Variants in NCAM2 observed in about 807,000 individuals in gnomAD.
NCAM2 encodes neural cell adhesion molecule 2.
NCAM2 carries 30 observed loss-of-function variants against 98.1 expected under a neutral mutation model. The ratio of observed to expected loss-of-function variants is 0.31; its 90% CI spans 0.23 to 0.41. NCAM2 has a LOEUF of 0.41. Ranked by LOEUF, NCAM2 falls within the 10% of genes least tolerant of loss-of-function variation. The pLI, the probability that NCAM2 is intolerant of heterozygous loss-of-function variation, is 1.00. For missense variants in NCAM2, 867 were observed against 1,005.8 expected, an observed-to-expected ratio of 0.86 and a Z score of 1.87; for synonymous variants, 368 against 342.4, an observed-to-expected ratio of 1.07 and a Z score of -0.83.
chr21:21,425,208 C>T (rs1057480774), intron 11 of NCAM2, among the ~76,000 whole-genome samples: 4 of 151,558 alleles, frequency 2.6e-5, no homozygotes, highest in Admixed American at 6.6e-5. Flanking sequence ...ATAAAATGTA[C>T]GTATGTAACT....
chr21:21,285,856 G>A (rs1276968282), intron 3 of NCAM2, among the ~76,000 whole-genome samples: 2 of 151,938 alleles, frequency 1.3e-5, no homozygotes, highest in Non-Finnish European at 2.9e-5. Context: ...CCTTGAAATG[G>A]AAAGGAATAT....
At chr21:21,167,418 A>T (rs2067987053) in intron 1 of NCAM2, among the ~76,000 whole-genome samples, 1 of 152,196 alleles carries the variant, frequency 6.6e-6, no homozygotes, top group African/African-American at 2.4e-5. Context: ...AAAATTTTAT[A>T]AGCTTGAACT....
intron 15 of NCAM2, among the ~76,000 whole-genome samples, chr21:21,483,377 T>C (rs1288449759): frequency 6.6e-6 from 1 of 152,026 alleles, no homozygotes; most frequent in Admixed American, 6.5e-5. Context: ...AAAAAAATAA[T>C]ATAAATCACC....
chr21:21,413,735 T>G (rs2076932829), intron 10 of NCAM2, among the ~76,000 whole-genome samples: 1 of 152,188 alleles, frequency 6.6e-6, no homozygotes. Context: ...AGTTGTAACT[T>G]TTTTCATTGG....
intron 9 of NCAM2, among the ~76,000 whole-genome samples, chr21:21,398,932 A>G (rs2076572470): frequency 6.6e-6 from 1 of 152,196 alleles, no homozygotes; most frequent in South Asian, 2.1e-4. Context: ...TTATTCTGAG[A>G]GCCAGCAAAC....
At chr21:21,535,753 C>G (rs1989947683) in intron 17 of NCAM2, among the ~76,000 whole-genome samples, 3 of 151,954 alleles carry the variant, frequency 2.0e-5, no homozygotes, top group South Asian at 2.1e-4. Context: ...TAAGAATATG[C>G]TCTTGGACCA....
intron 1 of NCAM2, among the ~76,000 whole-genome samples, chr21:21,098,008 G>A (rs1439054689): frequency 2.1e-4 from 5 of 23,586 alleles, no homozygotes; most frequent in Non-Finnish European, 8.3e-4. Flanking sequence ...TTATTATGGC[G>A]AAATACAATG....
intron 5 of NCAM2, among the ~76,000 whole-genome samples, chr21:21,306,729 G>A (rs1217600609): frequency 6.6e-6 from 1 of 152,024 alleles, no homozygotes; most frequent in East Asian, 1.9e-4. Context: ...ATTTTAAAAT[G>A]TGCAATTGCA....
intron 1 of NCAM2, among the ~76,000 whole-genome samples, chr21:21,015,817 C>T (rs1280077197): frequency 6.6e-6 from 1 of 152,158 alleles, no homozygotes; most frequent in East Asian, 1.9e-4. Context: ...AATTCTCCTG[C>T]CGTAGCCTCC....
chr21:21,090,403 A>G (rs1363899264), intron 1 of NCAM2, among the ~76,000 whole-genome samples: 1 of 152,284 alleles, frequency 6.6e-6, no homozygotes. Flanking sequence ...CTGCATGTCA[A>G]AGAGTGAATA....
At chr21:21,111,480 C>T (rs570032421) in intron 1 of NCAM2, among the ~76,000 whole-genome samples, 6 of 152,158 alleles carry the variant, frequency 3.9e-5, no homozygotes, top group South Asian at 4.2e-4. Context: ...ACAAGAAGAT[C>T]GAAGACTGAG....
intron 1 of NCAM2, among the ~76,000 whole-genome samples, chr21:21,240,298 C>G (rs2071012866): frequency 6.6e-6 from 1 of 151,364 alleles, no homozygotes; most frequent in Non-Finnish European, 1.5e-5. Flanking sequence ...ACCATATTTT[C>G]TCAAAATTTT....
chr21:21,028,209 T>C (rs927186610), intron 1 of NCAM2, among the ~76,000 whole-genome samples: 2 of 152,222 alleles, frequency 1.3e-5, no homozygotes, highest in African/African-American at 4.8e-5. Context: ...CTAAAAGATC[T>C]CTTATGCTCA....
At chr21:21,210,067 T>A (rs964679034) in intron 1 of NCAM2, among the ~76,000 whole-genome samples, 1 of 152,044 alleles carries the variant, frequency 6.6e-6, no homozygotes, top group African/African-American at 2.4e-5. Context: ...ACACAGAAAA[T>A]AAACAATGGC....
chr21:21,025,649 CTCTTA>C (rs2064530547), intron 1 of NCAM2, among the ~76,000 whole-genome samples: 1 of 151,700 alleles, frequency 6.6e-6, no homozygotes, highest in South Asian at 2.1e-4. Flanking sequence ...GGAATTTGTT[CTCTTA>C]TATCAATATT....
At chr21:21,092,975 C>T (rs1345929479) in intron 1 of NCAM2, among the ~76,000 whole-genome samples, 1 of 150,500 alleles carries the variant, frequency 6.6e-6, no homozygotes, top group African/African-American at 2.4e-5. Flanking sequence ...ATATCAGTAA[C>T]CTGACATTGC....
intron 12 of NCAM2, among the ~76,000 whole-genome samples, chr21:21,458,290 A>G (rs1982449230): frequency 6.6e-6 from 1 of 152,232 alleles, no homozygotes; most frequent in Admixed American, 6.5e-5. Flanking sequence ...CTGTGGAACC[A>G]TCTCCACCAG....
chr21:21,179,790 T>C (rs1203164366), intron 1 of NCAM2, among the ~76,000 whole-genome samples: 9 of 152,244 alleles, frequency 5.9e-5, no homozygotes, highest in Non-Finnish European at 1.3e-4. Flanking sequence ...TAAACTGCAG[T>C]GTCAGACATA....
At chr21:21,479,608 A>AAAAAAAAAAATT (rs1491473437) in intron 15 of NCAM2, among the ~76,000 whole-genome samples, 1 of 127,916 alleles carries the variant, frequency 7.8e-6, no homozygotes, top group Non-Finnish European at 1.8e-5. Context: ...AAAAAAAAAA[A>AAAAAAAAAAATT]TTGTTGATGA....
Sources: gnomAD v4.1 joint callset for allele counts (sites outside exome capture counted in the v4.1 genomes callset) on GRCh38, gnomAD v4.1.1 for gene constraint, MANE v1.5 for transcripts, NCBI Gene and HGNC (gene_info 2026-07-23, HGNC 2026-07-21) for gene names.